RORA: variants seen among roughly 807,000 people sequenced by gnomAD.
The protein encoded by RORA is RAR related orphan receptor A, also known as nuclear receptor ROR-alpha.
A neutral mutation model predicts 69.5 loss-of-function variants in RORA; 7 were observed. That is an observed-to-expected ratio of 0.10 (90% CI 0.06 to 0.19). The LOEUF (loss-of-function observed/expected upper bound fraction) is 0.19. Ranked by LOEUF, RORA falls within the 10% of genes least tolerant of loss-of-function variation. RORA has a pLI of 1.00. For synonymous variants in RORA, 261 were observed against 240.8 expected (o/e 1.08, Z -0.78); for missense variants, 457 against 663.0 (o/e 0.69, Z 3.41).
At chr15:61,137,736 CATTAA>C (rs1291169739) in intron 1 of RORA, among the ~76,000 whole-genome samples, 3 of 152,154 alleles carry the variant, frequency 2.0e-5, no homozygotes, top group Non-Finnish European at 4.4e-5. Context: ...ATTTGCATTA[CATTAA>C]ATTAACAGTA....
chr15:60,592,771 G>C, intron 2 of RORA: 1 of 831,618 alleles, frequency 1.2e-6, no homozygotes, highest in Non-Finnish European at 1.6e-6. Flanking sequence ...CCGGGCCCTC[G>C]CCCGGGCGCC....
In RORA at chr15:60,976,163, C is replaced by T. The variant is rs1389846161; in HGVS notation, c.166+252890G>A. Among the ~76,000 whole-genome samples the T allele has an allele frequency of 3.3e-5, 5 of 152,272 alleles. No individual in the cohort carries two copies. The East Asian group carries it at 7.7e-4, about 24-fold the overall frequency. On this transcript the variant is annotated intron_variant, in intron 1 of 10. Coordinates refer to ENST00000335670, the MANE Select transcript of RORA (RefSeq NM_134261.3). ...GATTGCTGAGCCGTGGCTCGGAGTG[C>T]GTGGGCCTGGCCAGGTGGAGACTTG...
intron 1 of RORA, among the ~76,000 whole-genome samples, chr15:60,948,005 T>C (rs1892951025): frequency 2.6e-5 from 4 of 152,164 alleles, no homozygotes; most frequent in Admixed American, 6.5e-5. Flanking sequence ...GCCTTGATGA[T>C]TTCCTTGGAT....
intron 1 of RORA, among the ~76,000 whole-genome samples, chr15:61,056,905 A>C (rs2078104492): frequency 6.6e-6 from 1 of 152,240 alleles, no homozygotes; most frequent in Non-Finnish European, 1.5e-5. Context: ...CAACCTTTGC[A>C]TCTGCCTTCC....
intron 1 of RORA, among the ~76,000 whole-genome samples, chr15:60,981,117 C>A (rs1022361244): frequency 1.4e-5 from 2 of 147,446 alleles, no homozygotes; most frequent in African/African-American, 5.0e-5. Context: ...TTTTTCAGCA[C>A]TTTGAATGTC....
intron 1 of RORA, among the ~76,000 whole-genome samples, chr15:60,910,901 TG>T (rs1891689952): frequency 1.5e-5 from 2 of 135,086 alleles, no homozygotes; most frequent in Middle Eastern, 3.4e-3. Flanking sequence ...TGTTGTTTTT[TG>T]GGTTTTTTTT....
intron 2 of RORA, among the ~76,000 whole-genome samples, chr15:60,540,104 A>C (rs985165204): frequency 6.6e-6 from 1 of 152,230 alleles, no homozygotes; most frequent in East Asian, 1.9e-4. Flanking sequence ...TGTCCCTTAC[A>C]TAATTCTGGA....
At chr15:60,995,246 CA>C (rs1211523418) in intron 1 of RORA, among the ~76,000 whole-genome samples, 1 of 151,996 alleles carries the variant, frequency 6.6e-6, no homozygotes, top group Non-Finnish European at 1.5e-5. Context: ...GGCTCCCTGA[CA>C]AATGTGGAAA....
intron 1 of RORA, among the ~76,000 whole-genome samples, chr15:61,106,409 C>A (rs531304639): frequency 1.1e-4 from 16 of 152,304 alleles, no homozygotes; most frequent in African/African-American, 3.4e-4. Context: ...CATTTAATAA[C>A]CATCCGTTAA....
At chr15:60,499,081 C>T (rs1392168412) in intron 10 of RORA, among the ~76,000 whole-genome samples, 1 of 151,928 alleles carries the variant, frequency 6.6e-6, no homozygotes, top group African/African-American at 2.4e-5. Flanking sequence ...AAAAATGAAA[C>T]CTTATGCTTT....
At chr15:61,041,453 A>G (rs1400042261) in intron 1 of RORA, among the ~76,000 whole-genome samples, 2 of 152,262 alleles carry the variant, frequency 1.3e-5, no homozygotes, top group Non-Finnish European at 2.9e-5. Flanking sequence ...TCGAGCATCC[A>G]TTGACAACCA....
At chr15:61,113,761 C>G (rs1217234843) in intron 1 of RORA, among the ~76,000 whole-genome samples, 2 of 152,168 alleles carry the variant, frequency 1.3e-5, no homozygotes, top group Non-Finnish European at 2.9e-5. Flanking sequence ...CAGAAGAAGG[C>G]ACATTTGGTT....
chr15:61,015,906 G>A (rs992297187), intron 1 of RORA, among the ~76,000 whole-genome samples: 4 of 152,158 alleles, frequency 2.6e-5, no homozygotes, highest in African/African-American at 7.2e-5. Flanking sequence ...ATTCCTCCAG[G>A]GGTCTGTTTT....
intron 1 of RORA, among the ~76,000 whole-genome samples, chr15:60,835,996 G>T (rs2073110035): frequency 1.3e-5 from 2 of 152,330 alleles, no homozygotes; most frequent in Admixed American, 6.5e-5. Flanking sequence ...CTAGAGTGTT[G>T]CCCGATCACT....
At chr15:60,690,987 A>G (rs145203148) in intron 1 of RORA, among the ~76,000 whole-genome samples, 328 of 152,306 alleles carry the variant, frequency 2.2e-3, no homozygotes, top group African/African-American at 7.6e-3. Context: ...AGGGTCCTAC[A>G]TGATCCGGCC....
At chr15:61,009,473 T>C (rs144672592) in intron 1 of RORA, among the ~76,000 whole-genome samples, 160 of 152,312 alleles carry the variant, frequency 1.1e-3, no homozygotes, top group African/African-American at 3.4e-3. Flanking sequence ...ATCCGTACGA[T>C]ACAGGAAAGA....
At chr15:60,901,678 T>C (rs761977255) in intron 1 of RORA, among the ~76,000 whole-genome samples, 9 of 152,184 alleles carry the variant, frequency 5.9e-5, no homozygotes, top group Non-Finnish European at 1.2e-4. Flanking sequence ...AAGTGCTTAA[T>C]AGTGAGATGC....
At chr15:60,914,697 A>G (rs1018826801) in intron 1 of RORA, among the ~76,000 whole-genome samples, 5 of 152,162 alleles carry the variant, frequency 3.3e-5, no homozygotes, top group African/African-American at 1.2e-4. Context: ...CTTGACTGGG[A>G]AGTAATCTGT....
chr15:60,776,039 G>T (rs1243667578), intron 1 of RORA, among the ~76,000 whole-genome samples: 1 of 152,150 alleles, frequency 6.6e-6, no homozygotes, highest in Non-Finnish European at 1.5e-5. Flanking sequence ...CCAATTCTGT[G>T]GCTTAGTCCT....
Sources: gnomAD v4.1 joint callset for allele counts (sites outside exome capture counted in the v4.1 genomes callset) on GRCh38, gnomAD v4.1.1 for gene constraint, MANE v1.5 for transcripts, NCBI Gene and HGNC (gene_info 2026-07-23, HGNC 2026-07-21) for gene names.